AEBP2: variants seen among roughly 807,000 people sequenced by gnomAD.
AEBP2 encodes the protein zinc finger protein AEBP2.
Under a neutral mutation model 50.8 loss-of-function variants are expected in AEBP2, and 10 were observed. That is an observed-to-expected ratio of 0.20 (90% confidence interval 0.12 to 0.33). The LOEUF is 0.33. Ranked by LOEUF, AEBP2 falls within the 10% of genes least tolerant of loss-of-function variation. The pLI is 1.00. For synonymous variants in AEBP2, 296 were observed against 261.3 expected (o/e 1.13, Z -1.28); for missense variants, 570 against 688.0 (o/e 0.83, Z 1.92).
intron 5 of AEBP2, among the ~76,000 whole-genome samples, chr12:19,506,520 C>CA (rs1269218287): frequency 2.0e-5 from 3 of 152,188 alleles, no homozygotes; most frequent in Non-Finnish European, 2.9e-5. Flanking sequence ...AAGTTGTACT[C>CA]ACTGAGGCAA....
chr12:19,472,931 G>T (rs1446245114), intron 2 of AEBP2, among the ~76,000 whole-genome samples: 1 of 151,992 alleles, frequency 6.6e-6, no homozygotes, highest in Admixed American at 6.6e-5. Context: ...CTTTTGTGCA[G>T]TAAATACAAA....
Position 19,493,796 on chromosome 12 carries a change from T to C in AEBP2, c.988-4T>C, listed in dbSNP as rs1389166497. 1.7e-5 allele frequency: 28 copies of C among 1,612,746 alleles called. No homozygotes were observed. Among genetic ancestry groups the C allele is most frequent in the Non-Finnish European group, 2.3e-5 (27 of 1,179,462 alleles). On this transcript the variant is annotated splice_region_variant and splice_polypyrimidine_tract_variant and intron_variant, in intron 3 of 7. Transcript: ENST00000266508. ...GACGTTATTTCTGTTTTATTTTCTT[T>C]TAGTGTGTTGTTGGTGGCTGCAATG...
intron 5 of AEBP2, 50 bp from the exon 6 acceptor site, chr12:19,512,348 A>C: frequency 7.7e-7 from 1 of 1,300,888 alleles, no homozygotes; most frequent in Non-Finnish European, 1.1e-6. Flanking sequence ...AATACATGAA[A>C]ATGATGTTTT....
At chr12:19,472,837 TA>T (rs1948591173) in intron 2 of AEBP2, among the ~76,000 whole-genome samples, 1 of 152,086 alleles carries the variant, frequency 6.6e-6, no homozygotes. Context: ...TTTATACCTT[TA>T]AAAAGGTATA....
At chr12:19,492,444 GA>G (rs1462504151) in intron 3 of AEBP2, among the ~76,000 whole-genome samples, 1 of 152,130 alleles carries the variant, frequency 6.6e-6, no homozygotes, top group East Asian at 1.9e-4. Flanking sequence ...TGCAAGTACA[GA>G]AGGCTAAAGA....
intron 1 of AEBP2, among the ~76,000 whole-genome samples, chr12:19,417,867 G>T (rs2095743461): frequency 6.6e-6 from 1 of 151,994 alleles, no homozygotes; most frequent in Non-Finnish European, 1.5e-5. Context: ...ACCACGCCCA[G>T]CTATTTTTTG....
At chr12:19,441,952 G>A (rs1049480882) in intron 1 of AEBP2, among the ~76,000 whole-genome samples, 1 of 152,038 alleles carries the variant, frequency 6.6e-6, no homozygotes, top group Non-Finnish European at 1.5e-5. Context: ...CCACAACTAT[G>A]GTGCAAGATA....
chr12:19,479,210 A>G lies in AEBP2; in HGVS notation c.987+5855A>G, dbSNP rs371024828. On this transcript the variant is annotated intron_variant, in intron 3 of 7. Coordinates refer to ENST00000266508, the MANE Select transcript of AEBP2 (RefSeq NM_153207.5). ...GGTGACGGGCCTCAAAAAAAAGTAT[A>G]TTCTGCAGTTTTTGGTAGAATGTTC... 1.8e-4 allele frequency among the ~76,000 whole-genome samples: 27 copies of G among 152,282 alleles called. No homozygotes were observed. In the South Asian group the frequency reaches 5.2e-3, roughly 29 times the overall value.
At chr12:19,512,266 CGCCTT>C in intron 5 of AEBP2, 127 bp from the exon 6 acceptor site, 1 of 521,550 alleles carries the variant, frequency 1.9e-6, no homozygotes, top group Non-Finnish European at 3.4e-6. Flanking sequence ...ATGATCCACC[CGCCTT>C]GGCCTCCCAA....
intron 5 of AEBP2, among the ~76,000 whole-genome samples, chr12:19,509,816 C>CTT (rs1565737482): frequency 1.3e-4 from 16 of 121,046 alleles, no homozygotes; most frequent in African/African-American, 5.2e-4. Context: ...AACATGGCTA[C>CTT]TTTCTTTTTT....
Position 19,473,265 on chromosome 12 carries a change from GA to G in AEBP2, c.900del (p.Gly301ValfsTer20). ...CTTAACAGGTATTTGTTTGCTTATG[GA>G]AAGGTTGTAAAGTATATAACACTCC... ...QRGGVFVCLWKGCKVYNTPST... is the reference protein window; with the variant it reads ...QRGGVFVCLWXGCKVYNTPST... On this transcript the variant is annotated frameshift_variant, in exon 3 of 8. Transcript: ENST00000266508. LOFTEE classifies it high-confidence loss of function. The G allele has an allele frequency of 1.3e-6, 2 of 1,484,872 alleles. No homozygotes were observed. Among genetic ancestry groups the G allele is most frequent in the Non-Finnish European group, 1.8e-6 (2 of 1,115,010 alleles). 92.0% of individuals were successfully genotyped at this position (1,484,872 alleles called of 1,614,324 possible). A position where few individuals can be genotyped will look rare whatever the true frequency, so the allele number is the denominator to read the frequency against.
At chr12:19,426,188 G>A (rs2095748453) in intron 1 of AEBP2, among the ~76,000 whole-genome samples, 1 of 152,122 alleles carries the variant, frequency 6.6e-6, no homozygotes, top group African/African-American at 2.4e-5. Context: ...ACCCACTTCA[G>A]CCTCCCAAAG....
chr12:19,466,195 G>A (rs945681139), intron 2 of AEBP2, among the ~76,000 whole-genome samples: 2 of 151,792 alleles, frequency 1.3e-5, no homozygotes, highest in African/African-American at 4.8e-5. Context: ...AAACATTTTC[G>A]GCTGGTCACA....
rs556076990 is a variant in AEBP2 at position 19,494,428 on chromosome 12, C to T, written c.1174+442C>T. 1.5e-3 allele frequency among the ~76,000 whole-genome samples: 224 copies of T among 151,520 alleles called. 2 individuals are homozygous for T. The highest frequency in any genetic ancestry group is 3.4e-3 in the Admixed American group (52 of 15,180). ...TTGAACCTGGGAGACAGAGTGAGACCCTGTCTCAAAAAACCAACAACAAAA... is the reference window on the plus strand; with the variant it reads ...TTGAACCTGGGAGACAGAGTGAGACTCTGTCTCAAAAAACCAACAACAAAA... On this transcript the variant is annotated intron_variant, in intron 4 of 7. Transcript: ENST00000266508.
intron 1 of AEBP2, among the ~76,000 whole-genome samples, chr12:19,451,518 T>C (rs1233698017): frequency 1.3e-5 from 2 of 152,164 alleles, no homozygotes; most frequent in Non-Finnish European, 2.9e-5. Context: ...CGAGCCAGGC[T>C]GAAACTGTGT....
chr12:19,482,707 A>G (rs1948748264), intron 3 of AEBP2, among the ~76,000 whole-genome samples: 1 of 152,056 alleles, frequency 6.6e-6, no homozygotes, highest in Non-Finnish European at 1.5e-5. Flanking sequence ...ATCAGGTGGG[A>G]GCAGGGTTAG....
At chr12:19,497,240 C>T (rs1247862430) in intron 4 of AEBP2, among the ~76,000 whole-genome samples, 1 of 149,254 alleles carries the variant, frequency 6.7e-6, no homozygotes, top group Non-Finnish European at 1.5e-5. Context: ...ACATCATCAT[C>T]ATTACACCTA....
chr12:19,456,195 A>G, intron 1 of AEBP2: 2 of 1,297,184 alleles, frequency 1.5e-6, no homozygotes, highest in South Asian at 2.6e-5. Context: ...TTCTGAGACC[A>G]TTCTTCCACC....
At chr12:19,481,853 T>G (rs528796282) in intron 3 of AEBP2, among the ~76,000 whole-genome samples, 1 of 152,220 alleles carries the variant, frequency 6.6e-6, no homozygotes, top group Non-Finnish European at 1.5e-5. Context: ...TTATGATATT[T>G]TTTCTCTGGA....
Sources: gnomAD v4.1 joint callset for allele counts (sites outside exome capture counted in the v4.1 genomes callset) on GRCh38, gnomAD v4.1.1 for gene constraint, MANE v1.5 for transcripts, NCBI Gene and HGNC (gene_info 2026-07-23, HGNC 2026-07-21) for gene names.